BCL2: variants seen among roughly 807,000 people sequenced by gnomAD.
BCL2 encodes BCL2 apoptosis regulator.
In BCL2, 1 loss-of-function variant was observed where a neutral mutation model predicts 14.2. The observed-to-expected ratio is 0.07, with a 90% confidence interval of 0.02 to 0.33. The LOEUF (loss-of-function observed/expected upper bound fraction) is 0.33. Ranked by LOEUF, BCL2 falls within the 10% of genes least tolerant of loss-of-function variation. BCL2 has a pLI of 0.99. For synonymous variants in BCL2, 151 were observed against 137.2 expected (o/e 1.10, Z -0.70); for missense variants, 247 against 305.9 (o/e 0.81, Z 1.44).
At chr18:63,278,020 GC>G (rs2144250335) in intron 2 of BCL2, among the ~76,000 whole-genome samples, 1 of 152,230 alleles carries the variant, frequency 6.6e-6, no homozygotes, top group African/African-American at 2.4e-5. Context: ...AACAAATGAT[GC>G]TCAAAAACAA....
intron 2 of BCL2, among the ~76,000 whole-genome samples, chr18:63,303,519 TTC>T (rs138008383): frequency 2.2e-4 from 34 of 152,316 alleles, no homozygotes; most frequent in African/African-American, 7.7e-4. Context: ...TGTAATATGT[TTC>T]TGTTTAAATT....
chr18:63,270,855 T>C (rs1255318720), intron 2 of BCL2, among the ~76,000 whole-genome samples: 2 of 152,160 alleles, frequency 1.3e-5, no homozygotes, highest in Non-Finnish European at 2.9e-5. Context: ...TCTGGCTCTG[T>C]CGCCCAGGCT....
intron 2 of BCL2, among the ~76,000 whole-genome samples, chr18:63,162,212 A>G (rs1454547434): frequency 3.3e-5 from 5 of 152,230 alleles, no homozygotes; most frequent in South Asian, 2.1e-4. Flanking sequence ...CAGACCATCA[A>G]GAAGCTCTGA....
At chr18:63,275,534 C>G (rs1469954097) in intron 2 of BCL2, among the ~76,000 whole-genome samples, 1 of 152,194 alleles carries the variant, frequency 6.6e-6, no homozygotes, top group Non-Finnish European at 1.5e-5. Flanking sequence ...TTTTCTTGAG[C>G]ACATTTTGAG....
intron 2 of BCL2, among the ~76,000 whole-genome samples, chr18:63,194,343 T>TC (rs1224794081): frequency 6.6e-6 from 1 of 151,550 alleles, no homozygotes; most frequent in Non-Finnish European, 1.5e-5. Context: ...TTTTTCTTTT[T>TC]TTTTTTTTGA....
chr18:63,180,554 G>T (rs1250234463), intron 2 of BCL2, among the ~76,000 whole-genome samples: 6 of 123,118 alleles, frequency 4.9e-5, no homozygotes, highest in Non-Finnish European at 7.9e-5. Context: ...TAATCTCCAT[G>T]GCGTTTTCCA....
At chr18:63,155,151 A>G (rs1471919962) in intron 2 of BCL2, among the ~76,000 whole-genome samples, 1 of 152,234 alleles carries the variant, frequency 6.6e-6, no homozygotes, top group Admixed American at 6.5e-5. Context: ...ACACGGGCTC[A>G]TGATGCCAAA....
At chr18:63,133,261 CCCACCTGGGAGGCAG>C (rs1568211941) in intron 2 of BCL2, among the ~76,000 whole-genome samples, 1 of 151,876 alleles carries the variant, frequency 6.6e-6, no homozygotes. Context: ...ATGGAGCACT[CCCACCTGGGAGGCAG>C]CCATCCTCCA....
chr18:63,271,695 T>A (rs1912007832), intron 2 of BCL2, among the ~76,000 whole-genome samples: 1 of 152,152 alleles, frequency 6.6e-6, no homozygotes, highest in African/African-American at 2.4e-5. Context: ...ACAGAAAGAT[T>A]TTCTATCCCT....
intron 2 of BCL2, among the ~76,000 whole-genome samples, chr18:63,265,263 T>C (rs1701660680): frequency 6.6e-6 from 1 of 152,226 alleles, no homozygotes; most frequent in Admixed American, 6.5e-5. Flanking sequence ...CCCTTGTTCT[T>C]GTGCAATTAT....
chr18:63,305,896 A>T (rs548079294), intron 2 of BCL2, among the ~76,000 whole-genome samples: 1 of 152,182 alleles, frequency 6.6e-6, no homozygotes, highest in East Asian at 1.9e-4. Context: ...ACAAAGTGAG[A>T]TCCTGTCGCA....
At chr18:63,147,964 C>T (rs1318263268) in intron 2 of BCL2, among the ~76,000 whole-genome samples, 1 of 152,172 alleles carries the variant, frequency 6.6e-6, no homozygotes, top group Non-Finnish European at 1.5e-5. Context: ...ACATTTAAGT[C>T]TTTTCTCAGA....
At chr18:63,221,799 A>C (rs775304246) in intron 2 of BCL2, among the ~76,000 whole-genome samples, 2 of 152,220 alleles carry the variant, frequency 1.3e-5, no homozygotes, top group Non-Finnish European at 2.9e-5. Flanking sequence ...TCAGAACCTT[A>C]AGCATGAACC....
rs972157916 is a variant in BCL2 at position 63,127,731 on chromosome 18, G to A, written c.*894C>T. The A allele has an allele frequency of 8.9e-6, 2 of 225,438 alleles. No individual in the cohort carries two copies. Among genetic ancestry groups the A allele is most frequent in the African/African-American group, 2.2e-5 (1 of 44,896 alleles). The allele number at this position is 225,438 out of a possible 1,614,324, so 14.0% of individuals were successfully genotyped here. A position where few individuals can be genotyped will look rare whatever the true frequency, so the allele number is the denominator to read the frequency against. ...TAGCCTTCCTGATGCGGAAGTCACCGAAATGTTCACTTCCTCAAGTTCCAG... is the reference window on the plus strand; with the variant it reads ...TAGCCTTCCTGATGCGGAAGTCACCAAAATGTTCACTTCCTCAAGTTCCAG... On this transcript the variant is annotated 3_prime_UTR_variant, in exon 3 of 3. Transcript: ENST00000333681.
intron 2 of BCL2, among the ~76,000 whole-genome samples, chr18:63,306,017 G>A (rs1451354795): frequency 6.6e-6 from 1 of 152,214 alleles, no homozygotes; most frequent in African/African-American, 2.4e-5. Flanking sequence ...CGAGGCAGCA[G>A]TGAACCGATA....
intron 2 of BCL2, among the ~76,000 whole-genome samples, chr18:63,141,555 T>C (rs1306475805): frequency 1.3e-5 from 2 of 152,204 alleles, no homozygotes; most frequent in Non-Finnish European, 2.9e-5. Flanking sequence ...CAGTTTTAAT[T>C]AGAACTGGTG....
chr18:63,253,644 A>T (rs1357440269), intron 2 of BCL2, among the ~76,000 whole-genome samples: 2 of 152,204 alleles, frequency 1.3e-5, no homozygotes, highest in Non-Finnish European at 2.9e-5. Context: ...TACTAGAACA[A>T]TTTGATTATT....
intron 2 of BCL2, among the ~76,000 whole-genome samples, chr18:63,266,618 C>CTCTCTT (rs1911831302): frequency 6.7e-6 from 1 of 149,560 alleles, no homozygotes; most frequent in South Asian, 2.1e-4. Flanking sequence ...CTCTCTCTCT[C>CTCTCTT]TCTCTCTCTC....
intron 2 of BCL2, among the ~76,000 whole-genome samples, chr18:63,250,996 C>G (rs1368681713): frequency 6.6e-6 from 1 of 152,042 alleles, no homozygotes; most frequent in African/African-American, 2.4e-5. Flanking sequence ...TGGCTTTCCT[C>G]CACCGCTCTG....
Sources: gnomAD v4.1 joint callset for allele counts (sites outside exome capture counted in the v4.1 genomes callset) on GRCh38, gnomAD v4.1.1 for gene constraint, MANE v1.5 for transcripts, NCBI Gene and HGNC (gene_info 2026-07-23, HGNC 2026-07-21) for gene names.